Variants in ATP8A2 observed in about 807,000 individuals in gnomAD.
ATP8A2 encodes the protein ATPase phospholipid transporting 8A2, also known as phospholipid-transporting ATPase IB.
In ATP8A2, 100 loss-of-function variants were observed where a neutral mutation model predicts 165.6. That is an observed-to-expected ratio of 0.60 (90% CI 0.51 to 0.71). ATP8A2 has a LOEUF of 0.71. ATP8A2 is among the 30% of genes least tolerant of loss of function. The pLI, the probability that ATP8A2 is intolerant of heterozygous loss-of-function variation, is 0.00. For synonymous variants in ATP8A2, 543 were observed against 548.8 expected (o/e 0.99, Z 0.15); for missense variants, 1,227 against 1,479.5 (o/e 0.83, Z 2.80).
chr13:25,630,591 G>T (rs1246116165), intron 24 of ATP8A2, among the ~76,000 whole-genome samples: 1 of 152,148 alleles, frequency 6.6e-6, no homozygotes, highest in Non-Finnish European at 1.5e-5. Flanking sequence ...ACTAGCTGAT[G>T]CTCATGTACT....
At chr13:25,763,006 T>C (rs188303005) in intron 25 of ATP8A2, among the ~76,000 whole-genome samples, 202 of 152,258 alleles carry the variant, frequency 1.3e-3, no homozygotes, top group African/African-American at 4.8e-3. Flanking sequence ...TCAGATGTGG[T>C]TTTGAAATGT....
intron 27 of ATP8A2, among the ~76,000 whole-genome samples, chr13:25,788,243 T>C (rs1284395751): frequency 6.6e-6 from 1 of 152,270 alleles, no homozygotes; most frequent in Non-Finnish European, 1.5e-5. Context: ...GGACAACCTT[T>C]AGCAAAGTGC....
intron 2 of ATP8A2, among the ~76,000 whole-genome samples, chr13:25,514,888 A>G (rs1025465949): frequency 6.6e-6 from 1 of 152,062 alleles, no homozygotes; most frequent in African/African-American, 2.4e-5. Context: ...TGCCCTGCCT[A>G]ATATATGATT....
intron 13 of ATP8A2, among the ~76,000 whole-genome samples, chr13:25,556,293 T>TAG (rs1156251592): frequency 6.6e-6 from 1 of 152,236 alleles, no homozygotes; most frequent in East Asian, 1.9e-4. Context: ...TTTGACTTTT[T>TAG]AATGATAACC....
chr13:25,397,787 A>G (rs2033479673), intron 1 of ATP8A2, among the ~76,000 whole-genome samples: 1 of 152,240 alleles, frequency 6.6e-6, no homozygotes, highest in Admixed American at 6.5e-5. Flanking sequence ...AGGCAATGGC[A>G]TAAACCAATA....
chr13:25,806,839 G>T (rs1950751204), intron 27 of ATP8A2, among the ~76,000 whole-genome samples: 2 of 152,150 alleles, frequency 1.3e-5, no homozygotes, highest in Non-Finnish European at 2.9e-5. Context: ...ACCAGCACTT[G>T]TATTGTCTGT....
intron 33 of ATP8A2, among the ~76,000 whole-genome samples, chr13:25,904,129 T>C (rs1357689992): frequency 6.6e-6 from 1 of 152,216 alleles, no homozygotes; most frequent in South Asian, 2.1e-4. Flanking sequence ...AGATCCAAAG[T>C]GCTCTAGCAA....
chr13:25,529,395 T>C (rs1418961982), intron 2 of ATP8A2, among the ~76,000 whole-genome samples: 1 of 152,176 alleles, frequency 6.6e-6, no homozygotes, highest in African/African-American at 2.4e-5. Context: ...AGCAAAGCAT[T>C]ATGCCTATAT....
intron 2 of ATP8A2, among the ~76,000 whole-genome samples, chr13:25,513,366 C>G (rs1422559696): frequency 6.6e-6 from 1 of 151,272 alleles, no homozygotes; most frequent in East Asian, 2.0e-4. Context: ...GATGGGCGGC[C>G]GGGCAGAGAC....
intron 33 of ATP8A2, among the ~76,000 whole-genome samples, chr13:25,923,793 C>G (rs1301824966): frequency 1.3e-5 from 2 of 152,130 alleles, no homozygotes; most frequent in Non-Finnish European, 2.9e-5. Context: ...CTTCATCTTT[C>G]TGTAGACATG....
chr13:25,650,520 T>C (rs2041786751), intron 24 of ATP8A2, among the ~76,000 whole-genome samples: 1 of 152,196 alleles, frequency 6.6e-6, no homozygotes, highest in South Asian at 2.1e-4. Flanking sequence ...TATTTCTTTT[T>C]CTCGACCTAT....
intron 27 of ATP8A2, among the ~76,000 whole-genome samples, chr13:25,825,473 A>G (rs548490566): frequency 1.3e-5 from 2 of 151,628 alleles, no homozygotes; most frequent in East Asian, 3.9e-4. Flanking sequence ...TTCTATTTTT[A>G]TTTGTTTTTT....
chr13:25,682,855 T>C (rs1281063751), intron 24 of ATP8A2, among the ~76,000 whole-genome samples: 1 of 152,208 alleles, frequency 6.6e-6, no homozygotes, highest in Non-Finnish European at 1.5e-5. Context: ...AGGGTTGGCC[T>C]GCAGTATAAG....
In ATP8A2 at chr13:25,511,700, T is replaced by A. The variant is rs571438115; in HGVS notation, c.222-18299T>A. On this transcript the variant is annotated intron_variant, in intron 2 of 36. Coordinates refer to ENST00000381655, the MANE Select transcript of ATP8A2 (RefSeq NM_016529.6). Reference sequence around the variant, plus strand: ...TCTTATAAATAGGCTCTTTTTAATATCTTTATGGTTTAGAAATAGCATTCT... The same window carrying A: ...TCTTATAAATAGGCTCTTTTTAATAACTTTATGGTTTAGAAATAGCATTCT... Among the ~76,000 whole-genome samples, 9 of 152,256 alleles carry A rather than the reference T, an allele frequency of 5.9e-5. No individual in the cohort carries two copies. In the East Asian group the frequency reaches 9.6e-4, roughly 16 times the overall value.
intron 33 of ATP8A2, among the ~76,000 whole-genome samples, chr13:25,877,595 C>T (rs1952851068): frequency 6.6e-6 from 1 of 152,228 alleles, no homozygotes. Context: ...CCCGACCCCA[C>T]AATTCTGTTT....
rs942800327 is a variant in ATP8A2, at chr13:26,022,316, T to C, written c.*2331T>C. 1.3e-5 allele frequency: 2 copies of C among 152,214 alleles called. No individual in the cohort carries two copies. Among genetic ancestry groups the C allele is most frequent in the East Asian group, 3.9e-4 (2 of 5,186 alleles). 9.4% of individuals were successfully genotyped at this position (152,214 alleles called of 1,614,324 possible). On this transcript the variant is annotated 3_prime_UTR_variant, in exon 37 of 37. Transcript: ENST00000381655. ...CTATTTGGAAAGAGTGGATTAGAAA[T>C]TGAATTCTTTGTCAAACAGTTAGCT...
At chr13:25,984,396 G>C (rs1172191170) in intron 35 of ATP8A2, among the ~76,000 whole-genome samples, 1 of 151,780 alleles carries the variant, frequency 6.6e-6, no homozygotes, top group Non-Finnish European at 1.5e-5. Flanking sequence ...TTGAGGTCAG[G>C]AGTTCGAGAC....
chr13:25,678,454 G>T lies in ATP8A2; in HGVS notation c.2212-20719G>T, dbSNP rs189275531. ...AGTTGATTGAATTACCTAGACCCCAGATGCCAAGGTAAATGCCACTGGGGC... is the reference window on the plus strand; with the variant it reads ...AGTTGATTGAATTACCTAGACCCCATATGCCAAGGTAAATGCCACTGGGGC... On this transcript the variant is annotated intron_variant, in intron 24 of 36. Coordinates refer to ENST00000381655, the MANE Select transcript of ATP8A2 (RefSeq NM_016529.6). 8.5e-5 allele frequency among the ~76,000 whole-genome samples: 13 copies of T among 152,236 alleles called. No individual in the cohort carries two copies. In the East Asian group the frequency reaches 2.3e-3, roughly 27 times the overall value.
At chr13:25,592,968 G>A (rs137986088) in intron 24 of ATP8A2, among the ~76,000 whole-genome samples, 46 of 152,206 alleles carry the variant, frequency 3.0e-4, no homozygotes, top group African/African-American at 1.1e-3. Flanking sequence ...CACTTTCTAT[G>A]TACTGTTTTT....
Sources: gnomAD v4.1 joint callset for allele counts (sites outside exome capture counted in the v4.1 genomes callset) on GRCh38, gnomAD v4.1.1 for gene constraint, MANE v1.5 for transcripts, NCBI Gene and HGNC (gene_info 2026-07-23, HGNC 2026-07-21) for gene names.